Variants in BICC1 observed in about 807,000 individuals in gnomAD.
BICC1 encodes protein bicaudal C homolog 1.
In BICC1, 43 loss-of-function variants were observed where a neutral mutation model predicts 111.0. The ratio of observed to expected loss-of-function variants is 0.39; its 90% CI spans 0.30 to 0.50. The LOEUF is 0.50. BICC1 is among the 20% of genes least tolerant of loss of function. The probability of loss-of-function intolerance (pLI) is 0.88; values close to 1 mark genes in which losing one functional copy is unlikely to be tolerated. For missense variants in BICC1, 1,091 were observed against 1,203.2 expected (o/e 0.91, Z 1.38); for synonymous variants, 467 against 434.4 (o/e 1.07, Z -0.93).
intron 1 of BICC1, among the ~76,000 whole-genome samples, chr10:58,598,964 C>T (rs1413053277): frequency 1.3e-5 from 2 of 152,158 alleles, no homozygotes; most frequent in African/African-American, 4.8e-5. Flanking sequence ...TACCATCTCA[C>T]ACCAGTTAGA....
At chr10:58,584,536 G>C (rs180749050) in intron 1 of BICC1, among the ~76,000 whole-genome samples, 23 of 152,218 alleles carry the variant, frequency 1.5e-4, no homozygotes, top group African/African-American at 5.3e-4. Flanking sequence ...TGAGGATCAT[G>C]GCTGGGATGC....
At chr10:58,818,370 A>C (rs113053897) in intron 19 of BICC1, among the ~76,000 whole-genome samples, 2 of 152,110 alleles carry the variant, frequency 1.3e-5, no homozygotes, top group Non-Finnish European at 2.9e-5. Context: ...CAGTGCTCTC[A>C]TATTACTGGG....
chr10:58,665,680 T>C (rs1838986191), intron 2 of BICC1, among the ~76,000 whole-genome samples: 1 of 152,236 alleles, frequency 6.6e-6, no homozygotes, highest in Non-Finnish European at 1.5e-5. Context: ...AGTTTTATTT[T>C]ATTTCATCTT....
chr10:58,688,745 C>G (rs1839826003), intron 2 of BICC1, among the ~76,000 whole-genome samples: 1 of 152,054 alleles, frequency 6.6e-6, no homozygotes. Context: ...GTGGATGAAG[C>G]TGGAAACCAT....
At chr10:58,750,286 G>A (rs566517513) in intron 3 of BICC1, among the ~76,000 whole-genome samples, 27 of 152,222 alleles carry the variant, frequency 1.8e-4, no homozygotes, top group Non-Finnish European at 3.2e-4. Flanking sequence ...TATACTCAGT[G>A]TGTTAGGCAA....
At chr10:58,799,954 T>C (rs1302422086) in intron 12 of BICC1, among the ~76,000 whole-genome samples, 1 of 152,202 alleles carries the variant, frequency 6.6e-6, no homozygotes, top group African/African-American at 2.4e-5. Flanking sequence ...ATGGCCAGTT[T>C]AATGATATTG....
chr10:58,518,590 TGGGGG>T (rs1241638049), intron 1 of BICC1, among the ~76,000 whole-genome samples: 1 of 35,336 alleles, frequency 2.8e-5, no homozygotes, highest in Non-Finnish European at 5.4e-5. Context: ...ATGTGTGTGT[TGGGGG>T]GGGGGGGGTG....
At chr10:58,787,731 A>T (rs1843053095) in intron 5 of BICC1, among the ~76,000 whole-genome samples, 1 of 152,120 alleles carries the variant, frequency 6.6e-6, no homozygotes. Flanking sequence ...TGACAGTGGG[A>T]TGTGCACATA....
At chr10:58,756,290 C>T (rs533269321) in intron 3 of BICC1, among the ~76,000 whole-genome samples, 3 of 152,208 alleles carry the variant, frequency 2.0e-5, no homozygotes, top group African/African-American at 7.2e-5. Context: ...ACGTAGACTG[C>T]GTTGCTCCTT....
At chr10:58,827,942 T>C (rs1844447318) in intron 20 of BICC1, among the ~76,000 whole-genome samples, 2 of 152,186 alleles carry the variant, frequency 1.3e-5, no homozygotes, top group Non-Finnish European at 2.9e-5. Flanking sequence ...ATGAAGACTT[T>C]CTGATGATTC....
chr10:58,700,883 G>A lies in BICC1; in HGVS notation c.238-1191G>A, dbSNP rs1180692343. On this transcript the variant is annotated intron_variant, in intron 2 of 20. Coordinates refer to ENST00000373886, the MANE Select transcript of BICC1 (RefSeq NM_001080512.3). Reference sequence around the variant, plus strand: ...AAGTTTTCCAGAGAACCAGAAATCTGAATTGTTCTATGAAGTTCCCAGATT... The same window carrying A: ...AAGTTTTCCAGAGAACCAGAAATCTAAATTGTTCTATGAAGTTCCCAGATT... Among the ~76,000 whole-genome samples, 4 of 152,142 alleles carry A rather than the reference G, an allele frequency of 2.6e-5. No homozygotes were observed. In the South Asian group the frequency reaches 8.3e-4, roughly 32 times the overall value.
chr10:58,611,686 C>T (rs548431504), intron 1 of BICC1, among the ~76,000 whole-genome samples: 194 of 151,958 alleles, frequency 1.3e-3, no homozygotes, highest in Non-Finnish European at 2.3e-3. Context: ...GACAGGGTTT[C>T]ACCATGCTGC....
At chr10:58,613,842 G>A (rs1019622531) in intron 1 of BICC1, among the ~76,000 whole-genome samples, 12 of 152,192 alleles carry the variant, frequency 7.9e-5, no homozygotes, top group Admixed American at 4.6e-4. Flanking sequence ...GGTTGGGGTT[G>A]TAATTTGAAT....
intron 1 of BICC1, among the ~76,000 whole-genome samples, chr10:58,515,361 G>C (rs1244640881): frequency 6.6e-6 from 1 of 152,090 alleles, no homozygotes; most frequent in Non-Finnish European, 1.5e-5. Flanking sequence ...ACAAACCTAG[G>C]TTGTGTAGCC....
chr10:58,799,481 G>T lies in BICC1; in HGVS notation c.1725+229G>T, dbSNP rs183141653. Among the ~76,000 whole-genome samples the T allele has an allele frequency of 1.4e-3, 210 of 152,176 alleles. 3 individuals are homozygous for T. The highest frequency in any genetic ancestry group is 4.9e-3 in the African/African-American group (202 of 41,536). Reference sequence around the variant, plus strand: ...GGGCACATATGCAGGTTTGTTACATGGGGAAATTGCATATTTAACCAATCT... The same window carrying T: ...GGGCACATATGCAGGTTTGTTACATTGGGAAATTGCATATTTAACCAATCT... On this transcript the variant is annotated intron_variant, in intron 12 of 20. Coordinates refer to ENST00000373886, the MANE Select transcript of BICC1 (RefSeq NM_001080512.3).
chr10:58,703,715 AT>A (rs1348381599), intron 3 of BICC1, among the ~76,000 whole-genome samples: 1 of 152,220 alleles, frequency 6.6e-6, no homozygotes, highest in Non-Finnish European at 1.5e-5. Context: ...GCATTTAAAA[AT>A]TTCTGTCCTA....
chr10:58,702,129 C>A lies in BICC1; in HGVS notation c.293C>A (p.Ala98Asp). ...IAWPSKLKIG[A>D]KSKKDPHIKV... Reference sequence around the variant, plus strand: ...TGGCCATCAAAACTGAAGATCGGAGCCAAATCCAAGAAAGGTAAATTGTGA... The same window carrying A: ...TGGCCATCAAAACTGAAGATCGGAGACAAATCCAAGAAAGGTAAATTGTGA... The change falls in exon 3 of 21, where the codon GCC (alanine) becomes GAC (aspartate). Residue 98 changes from alanine (A) to aspartate (D), a missense_variant. By Grantham distance (126) the Ala-to-Asp change is moderately radical. This residue lies in a region of BICC1 where 843 missense variants were observed against 900.8 expected (regional missense o/e 0.94). Coordinates refer to ENST00000373886, the MANE Select transcript of BICC1 (RefSeq NM_001080512.3). 1 of 1,612,184 alleles carries A rather than the reference C, an allele frequency of 6.2e-7. No individual in the cohort carries two copies. The highest frequency in any genetic ancestry group is 2.2e-5 in the East Asian group (1 of 44,708).
At chr10:58,802,939 T>G in intron 14 of BICC1, 138 bp from the exon 15 acceptor site, 5 of 799,236 alleles carry the variant, frequency 6.3e-6, no homozygotes, top group Non-Finnish European at 7.2e-6. Flanking sequence ...TGTCATAGCA[T>G]TGTTGTGAGG....
At chr10:58,675,269 ATT>A (rs1229461726) in intron 2 of BICC1, among the ~76,000 whole-genome samples, 5 of 152,200 alleles carry the variant, frequency 3.3e-5, no homozygotes, top group African/African-American at 1.2e-4. Flanking sequence ...AATAGGATGC[ATT>A]TAGCCTCAAC....
Sources: gnomAD v4.1 joint callset for allele counts (sites outside exome capture counted in the v4.1 genomes callset) on GRCh38, gnomAD v4.1.1 for gene constraint, gnomAD v4.1.1 regional missense constraint, MANE v1.5 for transcripts, NCBI Gene and HGNC (gene_info 2026-07-23, HGNC 2026-07-21) for gene names.